RAPGEF2: variants seen among roughly 807,000 people sequenced by gnomAD.
RAPGEF2 encodes PDZ domain containing guanine nucleotide exchange factor (GEF) 1.
RAPGEF2 carries 54 observed loss-of-function variants against 186.7 expected under a neutral mutation model. The observed-to-expected ratio is 0.29, with a 90% CI of 0.23 to 0.36. RAPGEF2 has a LOEUF of 0.36. Among genes scored for constraint, RAPGEF2 ranks in the 10% least tolerant of loss-of-function variants. RAPGEF2 has a pLI of 1.00. For missense variants in RAPGEF2, 1,532 were observed against 2,045.0 expected (o/e 0.75, Z 4.84); for synonymous variants, 712 against 705.9 (o/e 1.01, Z -0.14).
chr4:159,253,490 T>C (rs1755729309), intron 7 of RAPGEF2, among the ~76,000 whole-genome samples: 1 of 152,222 alleles, frequency 6.6e-6, no homozygotes, highest in Non-Finnish European at 1.5e-5. Flanking sequence ...TCAGACTTAC[T>C]GTGTTAGATA....
At chr4:159,305,512 A>G (rs1000719166) in intron 8 of RAPGEF2, among the ~76,000 whole-genome samples, 2 of 151,804 alleles carry the variant, frequency 1.3e-5, no homozygotes, top group African/African-American at 2.4e-5. Context: ...TCCTTTCCCC[A>G]CTTTTTAATG....
intron 7 of RAPGEF2, among the ~76,000 whole-genome samples, chr4:159,271,639 A>T (rs577262243): frequency 6.6e-6 from 1 of 152,140 alleles, no homozygotes; most frequent in Non-Finnish European, 1.5e-5. Flanking sequence ...TGCCTTAACC[A>T]CAGACTTGTA....
chr4:159,323,952 A>T (rs975611778), intron 11 of RAPGEF2, among the ~76,000 whole-genome samples: 3 of 150,832 alleles, frequency 2.0e-5, no homozygotes, highest in Admixed American at 6.6e-5. Flanking sequence ...GCTGGAGTGC[A>T]GTGGCGCGAT....
At chr4:159,247,918 A>G (rs1165551667) in intron 7 of RAPGEF2, among the ~76,000 whole-genome samples, 1 of 151,680 alleles carries the variant, frequency 6.6e-6, no homozygotes, top group African/African-American at 2.4e-5. Context: ...GTGCACCACC[A>G]GGCCTGGCTA....
At chr4:159,251,585 A>G (rs1755402780) in intron 7 of RAPGEF2, among the ~76,000 whole-genome samples, 1 of 151,892 alleles carries the variant, frequency 6.6e-6, no homozygotes, top group Admixed American at 6.6e-5. Context: ...CTGTCTAGCT[A>G]AAGATTTGTA....
intron 6 of RAPGEF2, among the ~76,000 whole-genome samples, chr4:159,243,385 T>C (rs994440120): frequency 6.6e-5 from 10 of 151,882 alleles, no homozygotes; most frequent in Non-Finnish European, 1.3e-4. Flanking sequence ...GTAGGAAGAT[T>C]GCAAAATTTT....
intron 7 of RAPGEF2, among the ~76,000 whole-genome samples, chr4:159,261,727 A>G (rs1478136432): frequency 6.6e-6 from 1 of 152,146 alleles, no homozygotes; most frequent in African/African-American, 2.4e-5. Context: ...TCTGGACATC[A>G]TAGGTCTGAT....
intron 7 of RAPGEF2, among the ~76,000 whole-genome samples, chr4:159,293,556 C>T (rs190779391): frequency 1.1e-3 from 172 of 152,334 alleles, no homozygotes; most frequent in African/African-American, 3.8e-3. Context: ...GTCCTGCCTA[C>T]TTCTTCATAA....
chr4:159,338,057 C>G (rs28757609), intron 17 of RAPGEF2, among the ~76,000 whole-genome samples: 14,728 of 151,896 alleles, frequency 0.097, 2,368 homozygotes, highest in African/African-American at 0.34. Flanking sequence ...GAGTTTCAAG[C>G]CCAGCTTGAG....
intron 7 of RAPGEF2, among the ~76,000 whole-genome samples, chr4:159,247,344 G>A (rs995995898): frequency 1.3e-5 from 2 of 152,072 alleles, no homozygotes; most frequent in Non-Finnish European, 2.9e-5. Flanking sequence ...TAAATAAATG[G>A]TACACACCCA....
intron 1 of RAPGEF2, among the ~76,000 whole-genome samples, chr4:159,182,393 T>C (rs1324290875): frequency 7.4e-6 from 1 of 134,492 alleles, no homozygotes; most frequent in South Asian, 2.5e-4. Context: ...CTTCTTTTTT[T>C]TTTTTTTTTT....
intron 26 of RAPGEF2, among the ~76,000 whole-genome samples, chr4:159,351,878 G>A (rs1731226785): frequency 6.6e-6 from 1 of 152,200 alleles, no homozygotes; most frequent in Non-Finnish European, 1.5e-5. Context: ...TTGAAGCCAG[G>A]AGGTGGAGTT....
intron 1 of RAPGEF2, among the ~76,000 whole-genome samples, chr4:159,132,642 C>T (rs144239048): frequency 1.3e-3 from 198 of 152,208 alleles, no homozygotes; most frequent in African/African-American, 4.3e-3. Context: ...CTTTTTCTTC[C>T]AAACCATTCT....
At chr4:159,280,799 A>C (rs564111818) in intron 7 of RAPGEF2, among the ~76,000 whole-genome samples, 77 of 152,314 alleles carry the variant, frequency 5.1e-4, no homozygotes, top group African/African-American at 1.7e-3. Context: ...TTTAATAAGC[A>C]TATTTAAAAC....
chr4:159,330,167 A>G (rs750849155), intron 12 of RAPGEF2, among the ~76,000 whole-genome samples, 157 bp downstream of exon 12: 31 of 151,910 alleles, frequency 2.0e-4, no homozygotes, highest in Non-Finnish European at 3.8e-4. Context: ...TAGCAGTTTC[A>G]TTAATTGTTA....
At chr4:159,188,219 TA>T (rs1336026846) in intron 2 of RAPGEF2, among the ~76,000 whole-genome samples, 1 of 152,234 alleles carries the variant, frequency 6.6e-6, no homozygotes, top group Non-Finnish European at 1.5e-5. Context: ...AATTAATATG[TA>T]AATACAAATG....
Position 159,353,870 on chromosome 4 carries a change from G to T in RAPGEF2, c.4475G>T (p.Gly1492Val). 6.2e-7 allele frequency: 1 copy of T among 1,614,146 alleles called. No individual in the cohort carries two copies. Among genetic ancestry groups the T allele is most frequent in the Non-Finnish European group, 8.5e-7 (1 of 1,180,022 alleles). ...QSRASWASST[G>V]YWGEDSEGDT... ...CGAGCAAGCTGGGCGTCTTCCACAG[G>T]TTACTGGGGAGAAGACTCAGAAGGT... The change falls in exon 28 of 30, where the codon GGT becomes GTT. Residue 1492 changes from glycine to valine, a missense_variant. Physicochemically the swap from Gly to Val is moderately radical, Grantham distance 109 (BLOSUM62 -3). This residue lies in a region of RAPGEF2 where 594 missense variants were observed against 608.5 expected (regional missense o/e 0.98). Transcript: ENST00000691494. This position sits in a 1 kb window ranked among gnomAD's most constrained non-coding sequence, Gnocchi z 4.3.
chr4:159,169,996 T>C (rs549881402), intron 1 of RAPGEF2, among the ~76,000 whole-genome samples: 106 of 152,258 alleles, frequency 7.0e-4, no homozygotes, highest in Middle Eastern at 6.8e-3. Context: ...ACCTCCATAC[T>C]GTTTTCCATA....
chr4:159,250,497 AAG>A (rs939047777), intron 7 of RAPGEF2, among the ~76,000 whole-genome samples: 12 of 152,218 alleles, frequency 7.9e-5, no homozygotes, highest in African/African-American at 2.9e-4. Context: ...GAGGATGAAA[AAG>A]AAAATACTCA....
Sources: gnomAD v4.1 joint callset for allele counts (sites outside exome capture counted in the v4.1 genomes callset) on GRCh38, gnomAD v4.1.1 for gene constraint, gnomAD v4.1.1 regional missense constraint, Gnocchi (gnomAD v3.1) non-coding constraint, MANE v1.5 for transcripts, NCBI Gene and HGNC (gene_info 2026-07-23, HGNC 2026-07-21) for gene names.